CLVS2: variants seen among roughly 807,000 people sequenced by gnomAD.
The protein encoded by CLVS2 is clavesin-2.
A neutral mutation model predicts 29.0 loss-of-function variants in CLVS2; 19 were observed. That is an observed-to-expected ratio of 0.66 (90% confidence interval 0.46 to 0.96). The LOEUF (loss-of-function observed/expected upper bound fraction) is 0.96, where lower values mean the gene tolerates loss of function less well. Among genes scored for constraint, CLVS2 ranks in the 40% least tolerant of loss-of-function variants. CLVS2 has a pLI of 0.00. For missense variants in CLVS2, 294 were observed against 404.1 expected, an observed-to-expected ratio of 0.73 and a Z score of 2.34; for synonymous variants, 161 against 151.3, an observed-to-expected ratio of 1.06 and a Z score of -0.47.
intron 4 of CLVS2, among the ~76,000 whole-genome samples, chr6:123,051,569 A>G (rs1448256755): frequency 6.6e-6 from 1 of 152,190 alleles, no homozygotes; most frequent in Non-Finnish European, 1.5e-5. Context: ...CCTGCTACTT[A>G]AAAGTTGATG....
intron 2 of CLVS2, among the ~76,000 whole-genome samples, chr6:123,008,726 C>A (rs991485246): frequency 6.6e-6 from 1 of 150,696 alleles, no homozygotes. Flanking sequence ...ACCAGAAATA[C>A]AGTCTTCCTG....
At chr6:123,030,135 T>A (rs778802142) in intron 3 of CLVS2, among the ~76,000 whole-genome samples, 10 of 152,196 alleles carry the variant, frequency 6.6e-5, no homozygotes, top group Non-Finnish European at 1.2e-4. Context: ...TATTCCATTG[T>A]CTCCTTTCAT....
intron 3 of CLVS2, among the ~76,000 whole-genome samples, chr6:123,041,500 A>T (rs1304211051): frequency 6.6e-6 from 1 of 152,186 alleles, no homozygotes; most frequent in Non-Finnish European, 1.5e-5. Flanking sequence ...ACACCCTCAG[A>T]CAGAAATGAA....
At chr6:123,034,262 A>G (rs757333889) in intron 3 of CLVS2, among the ~76,000 whole-genome samples, 4 of 152,282 alleles carry the variant, frequency 2.6e-5, no homozygotes, top group Middle Eastern at 3.4e-3. Context: ...GTACACAGAC[A>G]TTTATAGTGG....
At chr6:123,021,973 G>C (rs901696853) in intron 3 of CLVS2, among the ~76,000 whole-genome samples, 1 of 151,938 alleles carries the variant, frequency 6.6e-6, no homozygotes, top group Non-Finnish European at 1.5e-5. Context: ...GTCTTTGTGT[G>C]CCCATAGGAT....
chr6:123,011,457 T>C (rs571522113), intron 3 of CLVS2, among the ~76,000 whole-genome samples: 1 of 152,170 alleles, frequency 6.6e-6, no homozygotes, highest in East Asian at 1.9e-4. Context: ...GATTAGCTAT[T>C]TAGGCTTGTT....
At chr6:123,022,937 T>C (rs1774945129) in intron 3 of CLVS2, among the ~76,000 whole-genome samples, 1 of 152,074 alleles carries the variant, frequency 6.6e-6, no homozygotes, top group Non-Finnish European at 1.5e-5. Context: ...CATGGTGTCT[T>C]AACATAAGGT....
At chr6:123,003,083 A>G (rs1774614188) in intron 2 of CLVS2, among the ~76,000 whole-genome samples, 1 of 152,250 alleles carries the variant, frequency 6.6e-6, no homozygotes, top group Non-Finnish European at 1.5e-5. Flanking sequence ...TGTTGGAGGA[A>G]TATGGTGATG....
In CLVS2 at chr6:123,022,692, A is replaced by G. The variant is rs201448985; in HGVS notation, c.564+11533A>G. On this transcript the variant is annotated intron_variant, in intron 3 of 5. Transcript: ENST00000275162. The stretch of plus-strand genomic sequence containing the variant: ...TTATAATTCTTGGCAAATAAATGCA[A>G]CCAGCCTTGAACTAAGACTCTTAAG... 4.6e-5 allele frequency among the ~76,000 whole-genome samples: 7 copies of G among 152,154 alleles called. No homozygotes were observed. The East Asian group carries it at 1.2e-3, about 25-fold the overall frequency.
chr6:123,042,955 G>C (rs1775255884), intron 3 of CLVS2, among the ~76,000 whole-genome samples: 1 of 152,176 alleles, frequency 6.6e-6, no homozygotes, highest in Non-Finnish European at 1.5e-5. Context: ...GGGAATCACA[G>C]TGTGGTTAGC....
intron 2 of CLVS2, among the ~76,000 whole-genome samples, chr6:123,002,867 C>A (rs1774610927): frequency 6.6e-6 from 1 of 152,150 alleles, no homozygotes; most frequent in African/African-American, 2.4e-5. Flanking sequence ...CATGGCTTTG[C>A]CATCTTTTGG....
chr6:123,017,080 A>ATG (rs1774846088), intron 3 of CLVS2, among the ~76,000 whole-genome samples: 1 of 89,912 alleles, frequency 1.1e-5, no homozygotes, highest in African/African-American at 4.7e-5. Flanking sequence ...TTGAAATTGC[A>ATG]TGTGTGTATG....
chr6:123,034,329 T>TA (rs1775121268), intron 3 of CLVS2, among the ~76,000 whole-genome samples: 1 of 152,120 alleles, frequency 6.6e-6, no homozygotes, highest in African/African-American at 2.4e-5. Flanking sequence ...AATAGGTGAA[T>TA]GGTTAAAGCT....
chr6:123,072,110 T>C lies in CLVS2; in HGVS notation c.*8349T>C, dbSNP rs1772959170. On this transcript the variant is annotated 3_prime_UTR_variant, in exon 6 of 6. Transcript: ENST00000275162. ...TTTGTATCCTTTGCAGTTTAACTTT[T>C]AATCCTTACCAAACATATGTTATTC... The C allele has an allele frequency of 6.6e-6, 1 of 152,072 alleles. No homozygotes were observed. The highest frequency in any genetic ancestry group is 2.4e-5 in the African/African-American group (1 of 41,436). The allele number at this position is 152,072 out of a possible 1,614,324, so 9.4% of individuals were successfully genotyped here. A position where few individuals can be genotyped will look rare whatever the true frequency, so the allele number is the denominator to read the frequency against.
intron 4 of CLVS2, among the ~76,000 whole-genome samples, chr6:123,051,133 AC>A (rs1417921834): frequency 1.3e-5 from 2 of 152,128 alleles, no homozygotes; most frequent in Non-Finnish European, 2.9e-5. Context: ...TATTACTCAC[AC>A]ACCTTATGCT....
At chr6:123,007,289 T>C (rs1030892305) in intron 2 of CLVS2, among the ~76,000 whole-genome samples, 6 of 152,222 alleles carry the variant, frequency 3.9e-5, no homozygotes, top group African/African-American at 1.4e-4. Flanking sequence ...AGGTAACTAT[T>C]ATTATCATCA....
Position 122,997,575 on chromosome 6 carries a change from C to A in CLVS2, c.-203C>A, listed in dbSNP as rs1047957400. On this transcript the variant is annotated 5_prime_UTR_variant, in exon 2 of 6. Coordinates refer to ENST00000275162, the MANE Select transcript of CLVS2 (RefSeq NM_001010852.4). ...TAGGGGGCAGAGGAAGAAGTTTACA[C>A]CCCCCGGCCCCCCCAGCTTTGCTGG... is the stretch of plus-strand genomic sequence containing the variant. The A allele has an allele frequency of 1.5e-5, 9 of 595,404 alleles. No individual in the cohort carries two copies. Among genetic ancestry groups the A allele is most frequent in the African/African-American group, 1.3e-4 (7 of 53,448 alleles). The allele number at this position is 595,404 out of a possible 1,614,324, so 36.9% of individuals were successfully genotyped here.
chr6:123,036,623 C>T (rs1028201932), intron 3 of CLVS2, among the ~76,000 whole-genome samples: 2 of 152,160 alleles, frequency 1.3e-5, no homozygotes, highest in Admixed American at 1.3e-4. Flanking sequence ...GAGGTACCAT[C>T]CCCTTTTCCC....
At position 122,997,737 on chromosome 6, in the gene CLVS2, A is replaced by T; in HGVS notation, c.-41A>T. 2 of 1,595,420 alleles carry T rather than the reference A, an allele frequency of 1.3e-6. No individual in the cohort carries two copies. The highest frequency in any genetic ancestry group is 4.5e-5 in the East Asian group (2 of 44,768). The stretch of plus-strand genomic sequence containing the variant: ...GGACCAGGTTTGCTTTGGGACAGTC[A>T]ACAAGGTCTTCTGAGGGAAAGCTCA... On this transcript the variant is annotated 5_prime_UTR_variant, in exon 2 of 6. Coordinates refer to ENST00000275162, the MANE Select transcript of CLVS2 (RefSeq NM_001010852.4).
Sources: allele counts gnomAD v4.1 joint callset (sites outside exome capture counted in the v4.1 genomes callset), GRCh38; gene constraint gnomAD v4.1.1; transcripts MANE v1.5; gene names NCBI Gene and HGNC (gene_info 2026-07-23, HGNC 2026-07-21).